Variants in UTRN observed in about 807,000 individuals in gnomAD.
UTRN encodes utrophin.
A neutral mutation model predicts 463.9 loss-of-function variants in UTRN; 283 were observed. That is an observed-to-expected ratio of 0.61 (90% CI 0.55 to 0.67). UTRN has a LOEUF of 0.67. Among genes scored for constraint, UTRN ranks in the 30% least tolerant of loss-of-function variants. UTRN has a pLI of 0.00. For missense variants in UTRN, 3,922 were observed against 4,084.3 expected, an observed-to-expected ratio of 0.96 and a Z score of 1.08; for synonymous variants, 1,442 against 1,431.5, an observed-to-expected ratio of 1.01 and a Z score of -0.17.
chr6:144,549,805 C>T (rs886948510), intron 47 of UTRN, among the ~76,000 whole-genome samples: 1 of 152,140 alleles, frequency 6.6e-6, no homozygotes, highest in African/African-American at 2.4e-5. Flanking sequence ...AACATTTGTG[C>T]AATTAAGAAA....
chr6:144,307,415 A>G (rs1805841869), intron 2 of UTRN, among the ~76,000 whole-genome samples: 2 of 152,224 alleles, frequency 1.3e-5, no homozygotes, highest in Admixed American at 6.5e-5. Flanking sequence ...AAAAGGGTCC[A>G]CAGTTTTCAT....
intron 54 of UTRN, among the ~76,000 whole-genome samples, chr6:144,737,905 A>G (rs1393817232): frequency 6.6e-6 from 1 of 151,300 alleles, no homozygotes; most frequent in East Asian, 1.9e-4. Context: ...CATCCTTTGC[A>G]TTGTTCTTTG....
At chr6:144,493,572 T>G in intron 33 of UTRN, 116 bp downstream of exon 33, 1 of 1,179,700 alleles carries the variant, frequency 8.5e-7, no homozygotes, top group Non-Finnish European at 1.1e-6. Flanking sequence ...GGAAAATGCA[T>G]GTTTGAAAAT....
At chr6:144,847,905 T>C (rs1782159174) in intron 74 of UTRN, among the ~76,000 whole-genome samples, 1 of 152,222 alleles carries the variant, frequency 6.6e-6, no homozygotes, top group Admixed American at 6.5e-5. Context: ...CTTTTAGTAA[T>C]AATGTGCCAC....
rs377110044 is a variant in UTRN at position 144,586,464 on chromosome 6, T to C, written c.7479+9176T>C. ...TAATTTTCTCAGATATGGTTTTGTT[T>C]GCTTAGTTTCTTTAAAATTTTCATG... On this transcript the variant is annotated intron_variant, in intron 51 of 74. Coordinates refer to ENST00000367545, the MANE Select transcript of UTRN (RefSeq NM_007124.3). Among the ~76,000 whole-genome samples, 3 of 152,180 alleles carry C rather than the reference T, an allele frequency of 2.0e-5. No homozygotes were observed. The South Asian group carries it at 6.2e-4, about 31-fold the overall frequency.
intron 32 of UTRN, among the ~76,000 whole-genome samples, chr6:144,492,930 C>T (rs931982272): frequency 6.6e-6 from 1 of 152,118 alleles, no homozygotes; most frequent in Non-Finnish European, 1.5e-5. Context: ...TTGTTTTAGT[C>T]ATAACATGCA....
chr6:144,772,532 A>G lies in UTRN; in HGVS notation c.8557+564A>G, dbSNP rs9399498. Among the ~76,000 whole-genome samples the G allele has an allele frequency of 3.3e-3, 505 of 152,346 alleles. 19 individuals carry two copies. In the East Asian group the frequency reaches 0.078, roughly 24 times the overall value. On this transcript the variant is annotated intron_variant, in intron 59 of 74. Transcript: ENST00000367545. ...GATTTACAGGGAGGAATGTAATTGT[A>G]GTTTTTACCTCCTTCGTATTGAGTC...
intron 69 of UTRN, among the ~76,000 whole-genome samples, chr6:144,829,109 A>C (rs1780442585): frequency 6.6e-6 from 1 of 152,182 alleles, no homozygotes; most frequent in African/African-American, 2.4e-5. Context: ...CACGAAAATC[A>C]GATTGTTTTA....
intron 71 of UTRN, among the ~76,000 whole-genome samples, chr6:144,838,588 C>T (rs1781298821): frequency 6.6e-6 from 1 of 152,148 alleles, no homozygotes; most frequent in African/African-American, 2.4e-5. Flanking sequence ...GCTGTTCTAA[C>T]CATTTTAGAA....
chr6:144,614,768 C>A (rs1341543452), intron 51 of UTRN, among the ~76,000 whole-genome samples: 2 of 152,098 alleles, frequency 1.3e-5, no homozygotes, highest in Non-Finnish European at 2.9e-5. Context: ...TGAATAAATT[C>A]TTTCTTGTAC....
chr6:144,390,794 T>C (rs1286413762), intron 2 of UTRN, among the ~76,000 whole-genome samples: 1 of 152,210 alleles, frequency 6.6e-6, no homozygotes, highest in Admixed American at 6.5e-5. Flanking sequence ...AATTTATGAA[T>C]GTATCTGTAC....
At chr6:144,797,124 T>TAAATA (rs1338329907) in intron 63 of UTRN, among the ~76,000 whole-genome samples, 1 of 152,076 alleles carries the variant, frequency 6.6e-6, no homozygotes, top group African/African-American at 2.4e-5. Context: ...TTAGCATTTA[T>TAAATA]AATGGCCTTC....
rs1340009283 is a variant in UTRN, at chr6:144,360,032, T to TTTCCCTTCCC, written c.80-43039_80-43030dup. Among the ~76,000 whole-genome samples the TTTCCCTTCCC allele has an allele frequency of 2.6e-3, 205 of 78,772 alleles. 3 individuals carry two copies. Among genetic ancestry groups the TTTCCCTTCCC allele is most frequent in the Admixed American group, 8.4e-3 (50 of 5,922 alleles). The allele number at this position is 78,772 out of a possible 152,430, so 51.7% of individuals were successfully genotyped here. On this transcript the variant is annotated intron_variant, in intron 2 of 74. Coordinates refer to ENST00000367545, the MANE Select transcript of UTRN (RefSeq NM_007124.3). The stretch of plus-strand genomic sequence containing the variant: ...CTTTTATTTCTCTTTTCTTTTCTTT[T>TTTCCCTTCCC]TTCCCTTCCCTTCCCTTCCCTTCCC...
intron 41 of UTRN, among the ~76,000 whole-genome samples, chr6:144,528,968 G>A (rs936741129): frequency 6.6e-6 from 1 of 152,226 alleles, no homozygotes; most frequent in South Asian, 2.1e-4. Context: ...TGCATGGCTT[G>A]TTGTGGCTGC....
chr6:144,810,962 A>G (rs1228804010), intron 65 of UTRN, among the ~76,000 whole-genome samples: 1 of 152,198 alleles, frequency 6.6e-6, no homozygotes, highest in African/African-American at 2.4e-5. Context: ...CAAGAGGTTC[A>G]ACTGTATTCT....
intron 51 of UTRN, among the ~76,000 whole-genome samples, chr6:144,626,177 A>G (rs900078914): frequency 6.6e-6 from 1 of 152,236 alleles, no homozygotes; most frequent in Admixed American, 6.5e-5. Flanking sequence ...CTTGATTTAC[A>G]TTTTTAAACT....
rs1343731955 is a variant in UTRN, at chr6:144,698,018, T to G, written c.7653-2069T>G. Among the ~76,000 whole-genome samples the G allele has an allele frequency of 3.3e-5, 5 of 152,300 alleles. No homozygotes were observed. The East Asian group carries it at 9.6e-4, about 29-fold the overall frequency. ...TGTTTTGCACACGGAGACACTCAAG[T>G]GCTTCTTGATTGAGGACATCTGATT... On this transcript the variant is annotated intron_variant, in intron 52 of 74. Coordinates refer to ENST00000367545, the MANE Select transcript of UTRN (RefSeq NM_007124.3).
intron 53 of UTRN, among the ~76,000 whole-genome samples, chr6:144,702,990 A>G (rs1784743694): frequency 6.6e-6 from 1 of 152,192 alleles, no homozygotes; most frequent in African/African-American, 2.4e-5. Context: ...ATATTATGTA[A>G]TAATATAGGT....
At position 144,723,914 on chromosome 6, in the gene UTRN, G is replaced by A. The variant is rs1426600189; in HGVS notation, c.7810-6443G>A. 2.0e-5 allele frequency among the ~76,000 whole-genome samples: 3 copies of A among 150,194 alleles called. No individual in the cohort carries two copies. The Admixed American group carries it at 2.0e-4, about 10-fold the overall frequency. On this transcript the variant is annotated intron_variant, in intron 53 of 74. Coordinates refer to ENST00000367545, the MANE Select transcript of UTRN (RefSeq NM_007124.3). ...AATCCCAGCTACTTGGGAGGCTAAGGCGGCAGAATTGCTTGAGCCCGGGAG... is the reference window on the plus strand; with the variant it reads ...AATCCCAGCTACTTGGGAGGCTAAGACGGCAGAATTGCTTGAGCCCGGGAG...
Sources: allele counts gnomAD v4.1 joint callset (sites outside exome capture counted in the v4.1 genomes callset), GRCh38; gene constraint gnomAD v4.1.1; transcripts MANE v1.5; gene names NCBI Gene and HGNC (gene_info 2026-07-23, HGNC 2026-07-21).